FILIP1L: variants seen among roughly 807,000 people sequenced by gnomAD.
FILIP1L encodes the protein filamin A interacting protein 1 like.
FILIP1L carries 55 observed loss-of-function variants against 96.6 expected under a neutral mutation model. The observed-to-expected ratio is 0.57, with a 90% CI of 0.46 to 0.71. The LOEUF (loss-of-function observed/expected upper bound fraction) is 0.71, where lower values mean the gene tolerates loss of function less well. Ranked by LOEUF, FILIP1L falls within the 30% of genes least tolerant of loss-of-function variation. The pLI, the probability that FILIP1L is intolerant of heterozygous loss-of-function variation, is 0.00. For synonymous variants in FILIP1L, 467 were observed against 473.9 expected, an observed-to-expected ratio of 0.99 and a Z score of 0.19; for missense variants, 1,304 against 1,321.2, an observed-to-expected ratio of 0.99 and a Z score of 0.20.
At chr3:99,963,510 A>T (rs1482747795) in intron 1 of FILIP1L, among the ~76,000 whole-genome samples, 2 of 152,194 alleles carry the variant, frequency 1.3e-5, no homozygotes, top group African/African-American at 2.4e-5. Context: ...TATTAGAAGG[A>T]TAAGAAAGAA....
chr3:99,885,190 AG>A (rs1262146319), intron 4 of FILIP1L, among the ~76,000 whole-genome samples: 1 of 152,234 alleles, frequency 6.6e-6, no homozygotes, highest in African/African-American at 2.4e-5. Context: ...ACACAGAAGC[AG>A]CCTTCAGTTA....
In FILIP1L at chr3:99,930,841, A is replaced by T. The variant is rs746965098; in HGVS notation, c.180T>A (p.Asn60Lys). Residue 60 changes from asparagine (N) to lysine (K), a missense_variant, in exon 2 of 6, where the codon AAT becomes AAA. Asn to Lys is a moderately conservative substitution (Grantham distance 94). Transcript: ENST00000477258. ...TTGAGAGGTCTTCTGCTTGGTGGCCATTACCACTGTGTGGCTTCTCTGCCT... is the reference window on the plus strand; with the variant it reads ...TTGAGAGGTCTTCTGCTTGGTGGCCTTTACCACTGTGTGGCTTCTCTGCCT... The part of the protein sequence containing the change: ...CPKAEKPHSG[N>K]GHQAEDLSRD... 1 of 1,612,374 alleles carries T rather than the reference A, an allele frequency of 6.2e-7. No homozygotes were observed. Among genetic ancestry groups the T allele is most frequent in the Admixed American group, 1.7e-5 (1 of 59,816 alleles).
intron 1 of FILIP1L, among the ~76,000 whole-genome samples, chr3:100,020,447 A>C (rs1304002534): frequency 6.6e-6 from 1 of 152,174 alleles, no homozygotes; most frequent in African/African-American, 2.4e-5. Context: ...AAGAAAATAC[A>C]TGCTGTCAGC....
At chr3:99,993,498 A>G (rs1709584518) in intron 1 of FILIP1L, among the ~76,000 whole-genome samples, 1 of 152,024 alleles carries the variant, frequency 6.6e-6, no homozygotes, top group African/African-American at 2.4e-5. Context: ...GCTCTGATGA[A>G]GACTTTGATA....
chr3:99,914,553 G>A (rs1706892912), intron 4 of FILIP1L, among the ~76,000 whole-genome samples: 1 of 152,120 alleles, frequency 6.6e-6, no homozygotes, highest in East Asian at 1.9e-4. Context: ...TTAAATTGAG[G>A]TCAGATTCAA....
chr3:100,002,585 T>G (rs1329091753), intron 1 of FILIP1L, among the ~76,000 whole-genome samples: 2 of 152,206 alleles, frequency 1.3e-5, no homozygotes, highest in Admixed American at 1.3e-4. Flanking sequence ...TAAAGCTGAT[T>G]TTATGCCTAG....
intron 1 of FILIP1L, among the ~76,000 whole-genome samples, chr3:99,997,235 A>C (rs1173723484): frequency 1.3e-5 from 2 of 152,214 alleles, no homozygotes; most frequent in Admixed American, 1.3e-4. Flanking sequence ...CTAACCAAGA[A>C]GAAGGTCCAA....
chr3:100,069,595 C>T (rs546486660), intron 1 of FILIP1L, among the ~76,000 whole-genome samples: 2 of 152,248 alleles, frequency 1.3e-5, no homozygotes, highest in Admixed American at 6.5e-5. Flanking sequence ...CTTCAGTCTC[C>T]TGAGGCACCA....
chr3:99,921,999 G>A lies in FILIP1L; in HGVS notation c.605+2231C>T, dbSNP rs1405671661. ...AGCCCTCTCCAGCCTTCCTCCAGAAGATAGTAGAGATACACAGTGAATATC... is the reference window on the plus strand; with the variant it reads ...AGCCCTCTCCAGCCTTCCTCCAGAAAATAGTAGAGATACACAGTGAATATC... On this transcript the variant is annotated intron_variant, in intron 4 of 5. Transcript: ENST00000477258. Among the ~76,000 whole-genome samples, 4 of 152,104 alleles carry A rather than the reference G, an allele frequency of 2.6e-5. No individual in the cohort carries two copies. In the East Asian group the frequency reaches 5.8e-4, roughly 22 times the overall value.
chr3:99,969,187 G>A (rs1331307902), intron 1 of FILIP1L, among the ~76,000 whole-genome samples: 1 of 152,096 alleles, frequency 6.6e-6, no homozygotes, highest in Non-Finnish European at 1.5e-5. Flanking sequence ...AGTGCACAAG[G>A]ACAGGTCCAG....
intron 4 of FILIP1L, among the ~76,000 whole-genome samples, chr3:99,869,126 A>T (rs2107576788): frequency 6.6e-6 from 1 of 152,198 alleles, no homozygotes; most frequent in East Asian, 1.9e-4. Flanking sequence ...AAGGACAAGT[A>T]GAGTTTTGTT....
At chr3:99,926,512 T>G (rs1707298296) in intron 3 of FILIP1L, among the ~76,000 whole-genome samples, 1 of 152,222 alleles carries the variant, frequency 6.6e-6, no homozygotes, top group South Asian at 2.1e-4. Flanking sequence ...CAACTCCTTT[T>G]GCAATTTGAG....
chr3:99,935,205 G>A (rs1390355206), intron 1 of FILIP1L, among the ~76,000 whole-genome samples: 1 of 151,314 alleles, frequency 6.6e-6, no homozygotes, highest in East Asian at 1.9e-4. Flanking sequence ...GCCCAGGGGT[G>A]CATACTAGGG....
intron 1 of FILIP1L, among the ~76,000 whole-genome samples, chr3:100,093,300 A>C (rs1407790054): frequency 6.6e-6 from 1 of 152,096 alleles, no homozygotes; most frequent in Non-Finnish European, 1.5e-5. Context: ...AAAACAATGT[A>C]TGTTCATTTT....
At chr3:100,098,425 G>C (rs1309449407) in intron 1 of FILIP1L, among the ~76,000 whole-genome samples, 7 of 152,094 alleles carry the variant, frequency 4.6e-5, no homozygotes, top group Non-Finnish European at 1.0e-4. Context: ...GACTAGAATG[G>C]CTACCTCACA....
intron 1 of FILIP1L, among the ~76,000 whole-genome samples, chr3:99,963,696 C>T (rs1188403133): frequency 6.6e-6 from 1 of 151,896 alleles, no homozygotes; most frequent in Non-Finnish European, 1.5e-5. Context: ...ACTGCAGCCT[C>T]GCCTCCAGGG....
chr3:99,916,543 T>C (rs1325031983), intron 4 of FILIP1L, among the ~76,000 whole-genome samples: 2 of 151,994 alleles, frequency 1.3e-5, no homozygotes, highest in Non-Finnish European at 2.9e-5. Flanking sequence ...TGAGTGCTTT[T>C]TATGTGCTAG....
chr3:100,083,536 T>G (rs918838759), intron 1 of FILIP1L, among the ~76,000 whole-genome samples: 3 of 152,244 alleles, frequency 2.0e-5, no homozygotes, highest in African/African-American at 7.2e-5. Flanking sequence ...ATTGTGACAT[T>G]TTCCCGTCTT....
chr3:99,845,415 G>A (rs1348357860), intron 5 of FILIP1L, among the ~76,000 whole-genome samples: 1 of 152,148 alleles, frequency 6.6e-6, no homozygotes, highest in Non-Finnish European at 1.5e-5. Context: ...AATGGTATGA[G>A]TTTTTCAGAG....
Sources: gnomAD v4.1 joint callset for allele counts (sites outside exome capture counted in the v4.1 genomes callset) on GRCh38, gnomAD v4.1.1 for gene constraint, MANE v1.5 for transcripts, NCBI Gene and HGNC (gene_info 2026-07-23, HGNC 2026-07-21) for gene names.